Variants in MTCL3 observed in about 807,000 individuals in gnomAD.
MTCL3 encodes the protein MTCL family member 3.
the MTCL3 span, chr6:127,476,562 C>G: frequency 1.9e-6 from 2 of 1,025,658 alleles, no homozygotes; most frequent in Non-Finnish European, 2.8e-6. This position sits in a 1 kb window ranked among gnomAD's most constrained non-coding sequence, Gnocchi z 4.4. Context: ...AATAATTTTT[C>G]TTGCAATCCA....
the MTCL3 span, among the ~76,000 whole-genome samples, chr6:127,478,402 C>T: frequency 6.6e-5 from 10 of 152,128 alleles, no homozygotes; most frequent in African/African-American, 1.4e-4. Context: ...AACATTCTCA[C>T]GACATTCTCA....
At chr6:127,510,741 C>T in the MTCL3 span, among the ~76,000 whole-genome samples, 1,216 of 152,262 alleles carry the variant, frequency 8.0e-3, 13 homozygotes, top group Middle Eastern at 0.041. Context: ...TAGGGAATGG[C>T]GCCTATGAGA....
the MTCL3 span, among the ~76,000 whole-genome samples, chr6:127,487,787 T>G: frequency 6.6e-6 from 1 of 152,210 alleles, no homozygotes; most frequent in Admixed American, 6.5e-5. Flanking sequence ...GTGCAAAATC[T>G]TTCAGTGGCT....
chr6:127,478,312 C>T, the MTCL3 span, among the ~76,000 whole-genome samples: 2 of 152,156 alleles, frequency 1.3e-5, no homozygotes, highest in African/African-American at 4.8e-5. Flanking sequence ...ATAGGATGTA[C>T]TCCCATCAAT....
At chr6:127,505,662 A>C in the MTCL3 span, among the ~76,000 whole-genome samples, 1 of 152,188 alleles carries the variant, frequency 6.6e-6, no homozygotes, top group Non-Finnish European at 1.5e-5. Flanking sequence ...GTACCCCTAA[A>C]CTTAAAAGTT....
chr6:127,485,962 A>G, the MTCL3 span, among the ~76,000 whole-genome samples: 2 of 152,202 alleles, frequency 1.3e-5, no homozygotes, highest in East Asian at 3.9e-4. Context: ...GAGTAAAGAT[A>G]TAGAGGAATG....
At chr6:127,483,449 A>G in the MTCL3 span, among the ~76,000 whole-genome samples, 2 of 152,162 alleles carry the variant, frequency 1.3e-5, no homozygotes, top group East Asian at 3.9e-4. Context: ...CCCTCACCAC[A>G]CATCACCCCC....
the MTCL3 span, among the ~76,000 whole-genome samples, chr6:127,505,049 C>T: frequency 2.6e-5 from 4 of 152,156 alleles, no homozygotes; most frequent in African/African-American, 9.7e-5. Context: ...ATGATGAATT[C>T]TTTTGTTATC....
the MTCL3 span, among the ~76,000 whole-genome samples, chr6:127,497,418 G>A: frequency 7.9e-5 from 12 of 152,196 alleles, no homozygotes; most frequent in Admixed American, 1.3e-4. Context: ...AAGAAACATA[G>A]GTAGAAAAGA....
the MTCL3 span, among the ~76,000 whole-genome samples, chr6:127,477,280 G>A: frequency 1.3e-5 from 2 of 152,254 alleles, no homozygotes; most frequent in South Asian, 2.1e-4. Context: ...AACTATAGAA[G>A]TTCTTCTCAC....
chr6:127,519,051 C>T, the MTCL3 span: 2 of 11,148 alleles, frequency 1.8e-4, no homozygotes, highest in Non-Finnish European at 3.7e-4. Context: ...GGACGGGGGA[C>T]GGGGGTGGGG....
At chr6:127,492,397 G>GAA in the MTCL3 span, among the ~76,000 whole-genome samples, 3 of 148,752 alleles carry the variant, frequency 2.0e-5, no homozygotes, top group South Asian at 4.2e-4. Flanking sequence ...CCATAAAAGC[G>GAA]AAAAAAAAAG....
the MTCL3 span, among the ~76,000 whole-genome samples, chr6:127,484,471 A>C: frequency 2.0e-5 from 3 of 152,222 alleles, no homozygotes; most frequent in African/African-American, 4.8e-5. Flanking sequence ...AGTCCCAAGA[A>C]TACCAAGAAT....
At chr6:127,473,047 C>G in the MTCL3 span, 2 of 1,042,722 alleles carry the variant, frequency 1.9e-6, no homozygotes, top group South Asian at 9.0e-5. Flanking sequence ...AAAATTAAAA[C>G]AATTCATACA....
At chr6:127,476,237 C>G in the MTCL3 span, 1 of 1,614,178 alleles carries the variant, frequency 6.2e-7, no homozygotes, top group Non-Finnish European at 8.5e-7. The surrounding 1 kb of genome is among the most constrained non-coding windows in gnomAD (Gnocchi z 4.4). Context: ...ATGTTGGCTT[C>G]TTCCTCCACC....
At chr6:127,488,112 C>A in the MTCL3 span, among the ~76,000 whole-genome samples, 20 of 152,262 alleles carry the variant, frequency 1.3e-4, no homozygotes, top group African/African-American at 4.8e-4. Context: ...CACAGGCATC[C>A]TTGCAGTTCC....
chr6:127,500,230 A>T, the MTCL3 span, among the ~76,000 whole-genome samples: 1 of 152,236 alleles, frequency 6.6e-6, no homozygotes, highest in Non-Finnish European at 1.5e-5. Context: ...CTACAAAGGA[A>T]TAAAAGTCAG....
At chr6:127,484,529 C>G in the MTCL3 span, among the ~76,000 whole-genome samples, 1 of 152,162 alleles carries the variant, frequency 6.6e-6, no homozygotes. Context: ...TAGGGGCTGC[C>G]TACAAGAAGC....
At chr6:127,473,371 T>C in the MTCL3 span, 1 of 1,539,472 alleles carries the variant, frequency 6.5e-7, no homozygotes, top group Non-Finnish European at 8.7e-7. Flanking sequence ...TGAGAATAAG[T>C]AAAATGATAG....
Sources: allele counts gnomAD v4.1 joint callset (sites outside exome capture counted in the v4.1 genomes callset), GRCh38; gene constraint gnomAD v4.1.1; non-coding constraint Gnocchi (gnomAD v3.1); transcripts MANE v1.5; gene names NCBI Gene and HGNC (gene_info 2026-07-23, HGNC 2026-07-21).